Variants in PPARA observed in about 807,000 individuals in gnomAD.
PPARA encodes the protein peroxisome proliferator-activated receptor alpha.
Under a neutral mutation model 42.2 loss-of-function variants are expected in PPARA, and 22 were observed. The ratio of observed to expected loss-of-function variants is 0.52; its 90% confidence interval spans 0.37 to 0.74. The LOEUF is 0.74. Ranked by LOEUF, PPARA falls within the 30% of genes least tolerant of loss-of-function variation. The pLI is 0.00. For synonymous variants in PPARA, 242 were observed against 239.3 expected, an observed-to-expected ratio of 1.01 and a Z score of -0.10; for missense variants, 465 against 608.2, an observed-to-expected ratio of 0.76 and a Z score of 2.48.
At chr22:46,226,822 C>CT (rs1449611596) in intron 7 of PPARA, among the ~76,000 whole-genome samples, 1 of 151,974 alleles carries the variant, frequency 6.6e-6, no homozygotes, top group African/African-American at 2.4e-5. Flanking sequence ...GGTTGCGCCA[C>CT]TGTACTCCAG....
At chr22:46,207,210 A>G (rs1022891115) in intron 4 of PPARA, among the ~76,000 whole-genome samples, 1 of 151,622 alleles carries the variant, frequency 6.6e-6, no homozygotes, top group African/African-American at 2.4e-5. Context: ...GTGACAGAGC[A>G]AGACTCCATC....
Position 46,221,065 on chromosome 22 carries a change from G to T in PPARA, c.711+1051G>T, listed in dbSNP as rs530358344. Among the ~76,000 whole-genome samples the T allele has an allele frequency of 6.6e-6, 1 of 151,902 alleles. No individual in the cohort carries two copies. ...GTTTAATTGGCTCGTGGCCCACAAG[G>T]CTGTACAGGAAGCTTCTGCTTCTGG... On this transcript the variant is annotated intron_variant, in intron 7 of 8. Coordinates refer to ENST00000407236, the MANE Select transcript of PPARA (RefSeq NM_005036.6). This position sits in a 1 kb window ranked among gnomAD's most constrained non-coding sequence, Gnocchi z 5.9.
In PPARA at chr22:46,188,130, G is replaced by T. The variant is rs1422850549; in HGVS notation, c.-42-10212G>T. On this transcript the variant is annotated intron_variant, in intron 3 of 8. Coordinates refer to ENST00000407236, the MANE Select transcript of PPARA (RefSeq NM_005036.6). This position sits in a 1 kb window ranked among gnomAD's most constrained non-coding sequence, Gnocchi z 5.0. ...GACCACAGCTATGTGAATTATCCCA[G>T]GTCAGACCAGTAGAAGAGCCACCTG... 6.6e-6 allele frequency among the ~76,000 whole-genome samples: 1 copy of T among 152,174 alleles called. No homozygotes were observed. Among genetic ancestry groups the T allele is most frequent in the Admixed American group, 6.5e-5 (1 of 15,278 alleles).
chr22:46,177,078 G>T (rs1402284102), intron 3 of PPARA, among the ~76,000 whole-genome samples: 6 of 152,104 alleles, frequency 3.9e-5, no homozygotes, highest in Admixed American at 2.6e-4. Context: ...GGGCATGGTG[G>T]CAGGCGCCTG....
intron 7 of PPARA, among the ~76,000 whole-genome samples, chr22:46,220,919 G>T (rs574299326): frequency 6.6e-6 from 1 of 151,448 alleles, no homozygotes; most frequent in South Asian, 2.1e-4. Flanking sequence ...CTCCAGCCTG[G>T]GTGACAGATC....
At position 46,183,096 on chromosome 22, in the gene PPARA, A is replaced by G. The variant is rs1930195887; in HGVS notation, c.-43+6260A>G. ...AAGTTGTCTTGAAATAAGCATTAGAACTGTGGCTTTGGCTCTGAAATCCTC... is the reference window on the plus strand; with the variant it reads ...AAGTTGTCTTGAAATAAGCATTAGAGCTGTGGCTTTGGCTCTGAAATCCTC... On this transcript the variant is annotated intron_variant, in intron 3 of 8. Transcript: ENST00000407236. This position sits in a 1 kb window ranked among gnomAD's most constrained non-coding sequence, Gnocchi z 5.5. 6.6e-6 allele frequency among the ~76,000 whole-genome samples: 1 copy of G among 152,168 alleles called. No homozygotes were observed. The highest frequency in any genetic ancestry group is 2.1e-4 in the South Asian group (1 of 4,826).
rs896550172 is a variant in PPARA, at chr22:46,161,118, T to A, written c.-127+9148T>A. Among the ~76,000 whole-genome samples, 1 of 152,138 alleles carries A rather than the reference T, an allele frequency of 6.6e-6. No individual in the cohort carries two copies. Among genetic ancestry groups the A allele is most frequent in the African/African-American group, 2.4e-5 (1 of 41,436 alleles). On this transcript the variant is annotated intron_variant, in intron 2 of 8. Coordinates refer to ENST00000407236, the MANE Select transcript of PPARA (RefSeq NM_005036.6). The surrounding 1 kb of genome is among the most constrained non-coding windows in gnomAD (Gnocchi z 4.8). ...AGAACCCAGAGGGAAAATATGGCCA[T>A]GGACTCAGAGAAAACCACGGCAGCT...
At chr22:46,164,928 A>G (rs1265862901) in intron 2 of PPARA, 1 of 152,274 alleles carries the variant, frequency 6.6e-6, no homozygotes, top group Non-Finnish European at 1.5e-5. Flanking sequence ...TAAAAAAATA[A>G]TAAGACGAGT....
intron 4 of PPARA, among the ~76,000 whole-genome samples, chr22:46,201,012 A>C (rs1415297269): frequency 6.6e-6 from 1 of 152,024 alleles, no homozygotes; most frequent in East Asian, 1.9e-4. Context: ...TCAGGAGTTA[A>C]AGACCAGCCT....
chr22:46,189,470 T>C (rs557317974), intron 3 of PPARA, among the ~76,000 whole-genome samples: 1 of 152,340 alleles, frequency 6.6e-6, no homozygotes, highest in East Asian at 1.9e-4. Flanking sequence ...TTAAGTTTAA[T>C]GCTTTAGGTA....
chr22:46,165,363 C>T lies in PPARA; in HGVS notation c.-126-11390C>T, dbSNP rs1430013078. 1.3e-5 allele frequency: 2 copies of T among 152,144 alleles called. No individual in the cohort carries two copies. Among genetic ancestry groups the T allele is most frequent in the Non-Finnish European group, 2.9e-5 (2 of 68,068 alleles). The allele number at this position is 152,144 out of a possible 1,614,324, so 9.4% of individuals were successfully genotyped here. A position where few individuals can be genotyped will look rare whatever the true frequency, so the allele number is the denominator to read the frequency against. ...GGGAACTGCATTTCTGACAGTGGCT[C>T]AGTAGTTTGGAAGTTAACTGGCAAA... On this transcript the variant is annotated intron_variant, in intron 2 of 8. Coordinates refer to ENST00000407236, the MANE Select transcript of PPARA (RefSeq NM_005036.6). This position sits in a 1 kb window ranked among gnomAD's most constrained non-coding sequence, Gnocchi z 5.5.
At chr22:46,223,640 C>A in intron 7 of PPARA, among the ~76,000 whole-genome samples, 1 of 119,088 alleles carries the variant, frequency 8.4e-6, no homozygotes. Flanking sequence ...GAGACTCCAT[C>A]TCAAAAAAAA....
chr22:46,156,828 C>T lies in PPARA; in HGVS notation c.-127+4858C>T, dbSNP rs1569180930. 6.6e-6 allele frequency among the ~76,000 whole-genome samples: 1 copy of T among 152,206 alleles called. No homozygotes were observed. The highest frequency in any genetic ancestry group is 1.5e-5 in the Non-Finnish European group (1 of 68,048). On this transcript the variant is annotated intron_variant, in intron 2 of 8. Transcript: ENST00000407236. This position sits in a 1 kb window ranked among gnomAD's most constrained non-coding sequence, Gnocchi z 5.2. ...TGTTGGCCAGGCTGGTTTTGAACTT[C>T]TGACCTCAGGTGATCCACCTGCTTC...
intron 7 of PPARA, among the ~76,000 whole-genome samples, chr22:46,223,949 C>CAA (rs961106248): frequency 4.4e-5 from 4 of 91,054 alleles, no homozygotes; most frequent in African/African-American, 8.2e-5. Context: ...GACTCCATCT[C>CAA]AAAAAAAAAA....
chr22:46,174,455 T>G (rs1928701420), intron 2 of PPARA, among the ~76,000 whole-genome samples: 1 of 152,102 alleles, frequency 6.6e-6, no homozygotes, highest in South Asian at 2.1e-4. Flanking sequence ...ATCCTAGCTA[T>G]GTTTACCATG....
chr22:46,185,915 AAATATATATATATATAT>A (rs1569207593), intron 3 of PPARA, among the ~76,000 whole-genome samples: 6 of 47,144 alleles, frequency 1.3e-4, no homozygotes, highest in African/African-American at 6.6e-4. Flanking sequence ...AAAAAAAAAA[AAATATATATATATATAT>A]ATATATATAT....
At position 46,184,844 on chromosome 22, in the gene PPARA, G is replaced by C. The variant is rs889412182; in HGVS notation, c.-43+8008G>C. ...CACTCCAGCCTACGCGACAGAGCAA[G>C]ACTCCGTCTCAAAAAACAAAAAAAG... On this transcript the variant is annotated intron_variant, in intron 3 of 8. Coordinates refer to ENST00000407236, the MANE Select transcript of PPARA (RefSeq NM_005036.6). The surrounding 1 kb of genome is among the most constrained non-coding windows in gnomAD (Gnocchi z 4.4). Among the ~76,000 whole-genome samples the C allele has an allele frequency of 4.6e-5, 7 of 152,206 alleles. No individual in the cohort carries two copies. Among genetic ancestry groups the C allele is most frequent in the African/African-American group, 1.7e-4 (7 of 41,436 alleles).
Position 46,222,758 on chromosome 22 carries a change from A to G in PPARA, c.711+2744A>G, listed in dbSNP as rs531199438. Among the ~76,000 whole-genome samples the G allele has an allele frequency of 6.6e-5, 10 of 152,198 alleles. No individual in the cohort carries two copies. The East Asian group carries it at 1.9e-3, about 29-fold the overall frequency. On this transcript the variant is annotated intron_variant, in intron 7 of 8. Coordinates refer to ENST00000407236, the MANE Select transcript of PPARA (RefSeq NM_005036.6). The surrounding 1 kb of genome is among the most constrained non-coding windows in gnomAD (Gnocchi z 5.9). ...AAGCAGGCTGGGCACAGTGGCTCAC[A>G]CTGTAATCCCAGCACTTTGGGAGGC...
chr22:46,215,026 A>T, intron 4 of PPARA, 147 bp from the exon 5 acceptor site: 1 of 938,400 alleles, frequency 1.1e-6, no homozygotes, highest in Non-Finnish European at 1.7e-6. Context: ...TGTGACCCAG[A>T]GGCAGGGCCC....
Sources: allele counts gnomAD v4.1 joint callset (sites outside exome capture counted in the v4.1 genomes callset), GRCh38; gene constraint gnomAD v4.1.1; non-coding constraint Gnocchi (gnomAD v3.1); transcripts MANE v1.5; gene names NCBI Gene and HGNC (gene_info 2026-07-23, HGNC 2026-07-21).